The following SLC26A5 variants were observed in gnomAD, a reference collection of about 807,000 sequenced individuals.
SLC26A5 encodes prestin.
SLC26A5 carries 51 observed loss-of-function variants against 81.0 expected under a neutral mutation model. The observed-to-expected ratio is 0.63, with a 90% CI of 0.50 to 0.80. The LOEUF is 0.80. Among genes scored for constraint, SLC26A5 ranks in the 30% least tolerant of loss-of-function variants. The pLI is 0.00. For missense variants in SLC26A5, 771 were observed against 905.8 expected (o/e 0.85, Z 1.91); for synonymous variants, 325 against 332.8 (o/e 0.98, Z 0.25).
In SLC26A5 at chr7:103,367,334, A is replaced by AT. The variant is rs1201309962; in HGVS notation, c.2041+9473dup. On this transcript the variant is annotated intron_variant, in intron 19 of 19. Coordinates refer to the SLC26A5 transcript ENST00000339444. This position sits in a 1 kb window ranked among gnomAD's most constrained non-coding sequence, Gnocchi z 6.1. The stretch of plus-strand genomic sequence containing the variant: ...GCCTGAGGACATGATTTGAGCTGAG[A>AT]TTTTTGGTACTTTCAGGTCATGCAT... 9 of 1,389,452 alleles carry AT rather than the reference A, an allele frequency of 6.5e-6. No individual in the cohort carries two copies. In the African/African-American group the frequency reaches 1.0e-4, roughly 15 times the overall value. 86.1% of individuals were successfully genotyped at this position (1,389,452 alleles called of 1,614,324 possible).
chr7:103,376,758 G>T, intron 19 of SLC26A5, 50 bp downstream of exon 19: 1 of 1,267,350 alleles, frequency 7.9e-7, no homozygotes, highest in Non-Finnish European at 1.1e-6. Flanking sequence ...TTAAATAAGA[G>T]AAACAAAACT....
rs1824783968 is a variant in SLC26A5, at chr7:103,414,824, G to A, written c.293-1712C>T. Among the ~76,000 whole-genome samples, 4 of 152,282 alleles carry A rather than the reference G, an allele frequency of 2.6e-5. No homozygotes were observed. The South Asian group carries it at 8.3e-4, about 32-fold the overall frequency. On this transcript the variant is annotated intron_variant, in intron 4 of 19. Coordinates refer to ENST00000306312, the MANE Select transcript of SLC26A5 (RefSeq NM_198999.3). ...GGCAGCAGTCTTCACAAACTCCAGG[G>A]GGTACTGTTCAGCACGCTGAGCAGC...
rs1352511505 is a variant in SLC26A5, at chr7:103,435,629, AG to A, written c.-54+7453del. ...ATTTACTCTATGGTGCCAATACTCT[AG>A]AGAAGCCCTACTTCACTATAACTAG... On this transcript the variant is annotated intron_variant, in intron 2 of 19. Coordinates refer to ENST00000306312, the MANE Select transcript of SLC26A5 (RefSeq NM_198999.3). Among the ~76,000 whole-genome samples, 4 of 152,318 alleles carry A rather than the reference AG, an allele frequency of 2.6e-5. No individual in the cohort carries two copies. The East Asian group carries it at 7.7e-4, about 29-fold the overall frequency.
Position 103,413,043 on chromosome 7 carries a change from A to AT in SLC26A5, c.361dup (p.Ile121AsnfsTer21). On this transcript the variant is annotated frameshift_variant, in exon 5 of 20. Transcript: ENST00000306312. LOFTEE classifies it high-confidence loss of function. ...GGAGGTTCCAAGAAAACAATACATGATAACAGGGTAAAATGAAGAGTACAG... is the reference window on the plus strand; with the variant it reads ...GGAGGTTCCAAGAAAACAATACATGATTAACAGGGTAAAATGAAGAGTACAG... 1.2e-6 allele frequency: 2 copies of AT among 1,613,888 alleles called. No homozygotes were observed. Among genetic ancestry groups the AT allele is most frequent in the Non-Finnish European group, 1.7e-6 (2 of 1,179,766 alleles).
intron 9 of SLC26A5, among the ~76,000 whole-genome samples, chr7:103,394,552 G>T (rs1236130408): frequency 6.6e-6 from 1 of 152,188 alleles, no homozygotes. Flanking sequence ...AGGATATAGT[G>T]CTATGATTGG....
chr7:103,354,942 G>A, intron 19 of SLC26A5: 1 of 1,600,302 alleles, frequency 6.2e-7, no homozygotes, highest in Non-Finnish European at 8.6e-7. Flanking sequence ...AAATTAATGA[G>A]CTCACTGGTA....
chr7:103,379,985 C>T (rs1389747900), intron 15 of SLC26A5, among the ~76,000 whole-genome samples: 10 of 151,930 alleles, frequency 6.6e-5, no homozygotes, highest in African/African-American at 2.4e-4. Context: ...AAGCATAAGA[C>T]AAGACCGACA....
At chr7:103,416,628 A>G (rs762502727) in intron 4 of SLC26A5, among the ~76,000 whole-genome samples, 4 of 151,974 alleles carry the variant, frequency 2.6e-5, no homozygotes, top group Admixed American at 6.6e-5. Context: ...GGAGCCTCCA[A>G]TTTCCCAGTG....
intron 4 of SLC26A5, among the ~76,000 whole-genome samples, chr7:103,415,615 C>A (rs1348712876): frequency 6.6e-6 from 1 of 152,192 alleles, no homozygotes; most frequent in East Asian, 1.9e-4. Flanking sequence ...AAAACTCGTT[C>A]TAAATATGTT....
At chr7:103,363,896 G>A (rs1036360625) in intron 19 of SLC26A5, among the ~76,000 whole-genome samples, 4 of 152,130 alleles carry the variant, frequency 2.6e-5, no homozygotes, top group Non-Finnish European at 5.9e-5. Context: ...GATAATGGAA[G>A]TGCTTTTTAA....
At chr7:103,377,417 G>A (rs1409225772) in intron 18 of SLC26A5, among the ~76,000 whole-genome samples, 182 bp downstream of exon 18, 1 of 152,202 alleles carries the variant, frequency 6.6e-6, no homozygotes, top group East Asian at 1.9e-4. Flanking sequence ...TTGAAGCTGA[G>A]TGATAGTTCA....
intron 2 of SLC26A5, among the ~76,000 whole-genome samples, chr7:103,434,808 C>G (rs2079471): frequency 0.31 from 46,778 of 151,952 alleles, 8,344 homozygotes; most frequent in East Asian, 0.62. Flanking sequence ...TGCGCCACCA[C>G]GCCCAGCCAA....
At chr7:103,399,458 GGAAAA>G (rs1414999767) in intron 8 of SLC26A5, among the ~76,000 whole-genome samples, 1 of 151,750 alleles carries the variant, frequency 6.6e-6, no homozygotes, top group Admixed American at 6.6e-5. Flanking sequence ...ACAAGACTGA[GGAAAA>G]GAAAAGGTTT....
intron 19 of SLC26A5, chr7:103,361,979 G>T (rs200658637): frequency 1.2e-6 from 2 of 1,613,124 alleles, no homozygotes; most frequent in Non-Finnish European, 1.7e-6. Context: ...AATCAATGCT[G>T]ATTCGGAGGA....
chr7:103,412,350 C>T (rs572918946), intron 5 of SLC26A5, among the ~76,000 whole-genome samples: 22 of 151,888 alleles, frequency 1.4e-4, no homozygotes, highest in Non-Finnish European at 2.6e-4. Flanking sequence ...ACATGCATAG[C>T]GATTAGGAAC....
intron 2 of SLC26A5, among the ~76,000 whole-genome samples, chr7:103,435,431 T>C (rs1216718315): frequency 6.6e-6 from 1 of 152,230 alleles, no homozygotes; most frequent in Admixed American, 6.5e-5. Flanking sequence ...TCTTCCACTG[T>C]CATGTATATA....
chr7:103,360,709 A>C (rs1330914305), intron 19 of SLC26A5, among the ~76,000 whole-genome samples: 1 of 152,220 alleles, frequency 6.6e-6, no homozygotes, highest in Non-Finnish European at 1.5e-5. Context: ...TTTAGTAGAT[A>C]GATACTATAG....
intron 14 of SLC26A5, among the ~76,000 whole-genome samples, chr7:103,381,487 A>ACACAG (rs1310327667): frequency 6.6e-6 from 1 of 151,478 alleles, no homozygotes; most frequent in Non-Finnish European, 1.5e-5. Context: ...ACACATGCAT[A>ACACAG]CACAGCACAC....
At chr7:103,411,689 TGAAG>T in intron 5 of SLC26A5, 103 bp from the exon 6 acceptor site, 2 of 1,310,746 alleles carry the variant, frequency 1.5e-6, no homozygotes, top group Non-Finnish European at 2.2e-6. Context: ...AAATCATGCT[TGAAG>T]GAAGGCTACG....
Sources: gnomAD v4.1 joint callset for allele counts (sites outside exome capture counted in the v4.1 genomes callset) on GRCh38, gnomAD v4.1.1 for gene constraint, Gnocchi (gnomAD v3.1) non-coding constraint, MANE v1.5 for transcripts, NCBI Gene and HGNC (gene_info 2026-07-23, HGNC 2026-07-21) for gene names.